The following ARHGEF2 variants were observed in gnomAD, a reference collection of about 807,000 sequenced individuals.
The protein encoded by ARHGEF2 is Rho/Rac guanine nucleotide exchange factor 2, also known as rho guanine nucleotide exchange factor 2.
In ARHGEF2, 22 loss-of-function variants were observed where a neutral mutation model predicts 121.0. The observed-to-expected ratio is 0.18, with a 90% CI of 0.13 to 0.26. The LOEUF (loss-of-function observed/expected upper bound fraction) is 0.26. ARHGEF2 is among the 10% of genes least tolerant of loss of function. The pLI is 1.00. For missense variants in ARHGEF2, 907 were observed against 1,336.0 expected, an observed-to-expected ratio of 0.68 and a Z score of 5.01; for synonymous variants, 487 against 530.0, an observed-to-expected ratio of 0.92 and a Z score of 1.11.
chr1:155,951,636 A>T lies in ARHGEF2; in HGVS notation c.2209-103T>A. ...TGGGGACAGTAGGATCCGGAGACAT[A>T]CTTGAATGTAGACGCTTTCCCCACC... On this transcript the variant is annotated intron_variant, in intron 18 of 21. Coordinates refer to ENST00000361247, the MANE Select transcript of ARHGEF2 (RefSeq NM_001162383.2). The surrounding 1 kb of genome is among the most constrained non-coding windows in gnomAD (Gnocchi z 5.1). The T allele has an allele frequency of 6.2e-7, 1 of 1,605,750 alleles. No individual in the cohort carries two copies. Among genetic ancestry groups the T allele is most frequent in the South Asian group, 1.1e-5 (1 of 90,914 alleles).
intron 1 of ARHGEF2, chr1:155,969,609 T>G: frequency 5.0e-6 from 6 of 1,210,378 alleles, no homozygotes; most frequent in Non-Finnish European, 6.2e-6. Flanking sequence ...TCACTCCACC[T>G]TCCCAGCCCT....
rs768033619 is a variant in ARHGEF2 at position 155,969,595 on chromosome 1, G to A, written c.64-295C>T. 2.0e-5 allele frequency: 25 copies of A among 1,246,154 alleles called. No individual in the cohort carries two copies. In the South Asian group the frequency reaches 2.4e-4, roughly 12 times the overall value. The allele number at this position is 1,246,154 out of a possible 1,614,324, so 77.2% of individuals were successfully genotyped here. On this transcript the variant is annotated intron_variant, in intron 1 of 21. Transcript: ENST00000361247. ...CATCTCCCTGGCTCTAGGTCTCTGC[G>A]TCCTCACTCCACCTTCCCAGCCCTA... is the stretch of plus-strand genomic sequence containing the variant.
Position 155,961,588 on chromosome 1 carries a change from T to C in ARHGEF2, c.1468+73A>G. ...CTGCACCCGGCCAAGAGAGGTTGAT[T>C]CTAAGACCTGCAGGCATCTCCCACT... On this transcript the variant is annotated intron_variant, in intron 11 of 21. Transcript: ENST00000361247. The surrounding 1 kb of genome is among the most constrained non-coding windows in gnomAD (Gnocchi z 4.7). 1.3e-6 allele frequency: 2 copies of C among 1,557,362 alleles called. No homozygotes were observed. The highest frequency in any genetic ancestry group is 1.2e-5 in the South Asian group (1 of 84,664).
rs1258442383 is a variant in ARHGEF2, at chr1:155,965,782, C to G, written c.341-22G>C. 1 of 1,579,660 alleles carries G rather than the reference C, an allele frequency of 6.3e-7. No homozygotes were observed. Among genetic ancestry groups the G allele is most frequent in the Non-Finnish European group, 8.5e-7 (1 of 1,170,728 alleles). On this transcript the variant is annotated intron_variant, in intron 4 of 21. Transcript: ENST00000361247. The surrounding 1 kb of genome is among the most constrained non-coding windows in gnomAD (Gnocchi z 6.0). ...GTTGCTGTGGGGGAGAGATGCCCAG[C>G]AGGCAAACATCAGACTCTGGTGCTT...
chr1:155,962,505 A>C lies in ARHGEF2; in HGVS notation c.1101+88T>G. 6.4e-7 allele frequency: 1 copy of C among 1,566,190 alleles called. No individual in the cohort carries two copies. The highest frequency in any genetic ancestry group is 8.7e-7 in the Non-Finnish European group (1 of 1,153,072). Reference sequence around the variant, plus strand: ...CACGGGTGGCGAATGCCTGACCTCCATGTGGGTGCAGCTCACAGGCACTAC... The same window carrying C: ...CACGGGTGGCGAATGCCTGACCTCCCTGTGGGTGCAGCTCACAGGCACTAC... On this transcript the variant is annotated intron_variant, in intron 9 of 21. Coordinates refer to ENST00000361247, the MANE Select transcript of ARHGEF2 (RefSeq NM_001162383.2). This position sits in a 1 kb window ranked among gnomAD's most constrained non-coding sequence, Gnocchi z 5.8.
chr1:155,954,859 A>C (rs878917710), intron 14 of ARHGEF2, 43 bp downstream of exon 14: 2 of 1,551,648 alleles, frequency 1.3e-6, no homozygotes, highest in South Asian at 1.1e-5. Flanking sequence ...CATTGTGTGA[A>C]TGTATTATAA....
chr1:155,952,873 T>C (rs369403974), intron 14 of ARHGEF2, 45 bp from the exon 15 acceptor site: 11 of 1,599,570 alleles, frequency 6.9e-6, no homozygotes, highest in African/African-American at 4.0e-5. Flanking sequence ...CGTAGGGGTA[T>C]GCAAGAGCGC....
intron 7 of ARHGEF2, 42 bp from the exon 8 acceptor site, chr1:155,963,225 G>A: frequency 6.3e-7 from 1 of 1,590,018 alleles, no homozygotes; most frequent in South Asian, 1.1e-5. Flanking sequence ...CCCTGGCTTG[G>A]CTAAAACTCG....
At chr1:155,960,079 C>T (rs1193538343) in intron 11 of ARHGEF2, among the ~76,000 whole-genome samples, 4 of 152,182 alleles carry the variant, frequency 2.6e-5, no homozygotes, top group African/African-American at 7.2e-5. Flanking sequence ...TTCTCTGCTT[C>T]ACACTCCAAG....
At chr1:155,964,421 C>G (rs536628729) in intron 7 of ARHGEF2, among the ~76,000 whole-genome samples, 1 of 151,390 alleles carries the variant, frequency 6.6e-6, no homozygotes, top group Non-Finnish European at 1.5e-5. Flanking sequence ...TTCTACATGT[C>G]GAGGCTTCCC....
chr1:155,978,659 G>T, upstream of ARHGEF2: 1 of 1,133,222 alleles, frequency 8.8e-7, no homozygotes, highest in East Asian at 3.3e-5. The surrounding 1 kb of genome is among the most constrained non-coding windows in gnomAD (Gnocchi z 4.1). Flanking sequence ...CGCGCAGGAC[G>T]GGACGCCAGG....
intron 1 of ARHGEF2, chr1:155,970,751 A>G: frequency 1.0e-6 from 1 of 985,698 alleles, no homozygotes; most frequent in African/African-American, 1.7e-5. Flanking sequence ...AGAAAGGGGA[A>G]GTGTGGAGGG....
At position 155,961,846 on chromosome 1, in the gene ARHGEF2, T is replaced by C. The variant is rs780191680; in HGVS notation, c.1283A>G (p.Asn428Ser). 4.3e-6 allele frequency: 7 copies of C among 1,614,204 alleles called. No homozygotes were observed. Among genetic ancestry groups the C allele is most frequent in the East Asian group, 2.2e-5 (1 of 44,880 alleles). Residue 428 changes from asparagine (N) to serine (S), a missense_variant, in exon 11 of 22, where the codon AAT becomes AGT. Coordinates refer to ENST00000361247, the MANE Select transcript of ARHGEF2 (RefSeq NM_001162383.2). This position sits in a 1 kb window ranked among gnomAD's most constrained non-coding sequence, Gnocchi z 4.7. ...CAGCTGATAAATACCCTCGTCCACATTGGACAGCAGCTCCTTCACTAGCCC... is the reference window on the plus strand; with the variant it reads ...CAGCTGATAAATACCCTCGTCCACACTGGACAGCAGCTCCTTCACTAGCCC... ...ALGLVKELLS[N>S]VDEGIYQLEK...
intron 4 of ARHGEF2, among the ~76,000 whole-genome samples, chr1:155,966,055 CT>C (rs772643509): frequency 6.6e-6 from 1 of 152,122 alleles, no homozygotes; most frequent in Non-Finnish European, 1.5e-5. Flanking sequence ...GGGACTGAGG[CT>C]CTGCTCTTTA....
intron 1 of ARHGEF2, among the ~76,000 whole-genome samples, chr1:155,974,819 G>T (rs1355717628): frequency 1.3e-5 from 2 of 150,586 alleles, no homozygotes; most frequent in African/African-American, 4.9e-5. Context: ...GGCCACACCT[G>T]TCAGGCCAGG....
In ARHGEF2 at chr1:155,978,404, C is replaced by A; in HGVS notation, c.24G>T (p.Thr8=). 1 of 1,516,224 alleles carries A rather than the reference C, an allele frequency of 6.6e-7. No homozygotes were observed. The highest frequency in any genetic ancestry group is 8.9e-7 in the Non-Finnish European group (1 of 1,122,680). The allele number at this position is 1,516,224 out of a possible 1,614,324, so 93.9% of individuals were successfully genotyped here. A position where few individuals can be genotyped will look rare whatever the true frequency, so the allele number is the denominator to read the frequency against. MSRIESL[T]RARIDRSREL... is the part of the protein sequence containing the mutation. The stretch of plus-strand genomic sequence containing the variant: ...CTCTGCTCCGGTCGATCCGCGCCCG[C>A]GTGAGGGATTCGATCCGAGACATAA... Residue 8 remains threonine, a synonymous_variant, in exon 1 of 22, where the codon ACG becomes ACT. Coordinates refer to ENST00000361247, the MANE Select transcript of ARHGEF2 (RefSeq NM_001162383.2). This position sits in a 1 kb window ranked among gnomAD's most constrained non-coding sequence, Gnocchi z 4.1.
At chr1:155,952,076 C>T (rs752726959) in intron 16 of ARHGEF2, 40 bp downstream of exon 16, 1 of 1,614,068 alleles carries the variant, frequency 6.2e-7, no homozygotes, top group South Asian at 1.1e-5. Context: ...AACTTTGGCC[C>T]CTCCCACCTA....
At chr1:155,959,018 C>T (rs1273901736) in intron 11 of ARHGEF2, among the ~76,000 whole-genome samples, 1 of 152,040 alleles carries the variant, frequency 6.6e-6, no homozygotes, top group East Asian at 1.9e-4. Context: ...ACAGAAAACC[C>T]TTTCTACCTG....
At chr1:155,973,485 C>T (rs1680811563) in intron 1 of ARHGEF2, among the ~76,000 whole-genome samples, 1 of 152,170 alleles carries the variant, frequency 6.6e-6, no homozygotes. Context: ...GTGGCTCATG[C>T]CTATAATCCT....
Sources: gnomAD v4.1 joint callset for allele counts (sites outside exome capture counted in the v4.1 genomes callset) on GRCh38, gnomAD v4.1.1 for gene constraint, Gnocchi (gnomAD v3.1) non-coding constraint, MANE v1.5 for transcripts, NCBI Gene and HGNC (gene_info 2026-07-23, HGNC 2026-07-21) for gene names.